Variants in TAB2 observed in about 807,000 individuals in gnomAD.
TAB2 encodes the protein TGF-beta activated kinase 1 (MAP3K7) binding protein 2.
A neutral mutation model predicts 65.0 loss-of-function variants in TAB2; 3 were observed. The observed-to-expected ratio is 0.05, with a 90% CI of 0.02 to 0.12. The LOEUF (loss-of-function observed/expected upper bound fraction) is 0.12. Among genes scored for constraint, TAB2 ranks in the 10% least tolerant of loss-of-function variants. The probability of loss-of-function intolerance (pLI) is 1.00; values close to 1 mark genes in which losing one functional copy is unlikely to be tolerated. For missense variants in TAB2, 623 were observed against 840.3 expected, an observed-to-expected ratio of 0.74 and a Z score of 3.20; for synonymous variants, 298 against 285.1, an observed-to-expected ratio of 1.05 and a Z score of -0.46.
chr6:149,277,265 C>A (rs6912622), intron 1 of TAB2, among the ~76,000 whole-genome samples: 75,916 of 151,952 alleles, frequency 0.5, 20,485 homozygotes, highest in African/African-American at 0.7. Context: ...TGTGTAATAG[C>A]AAAAGATTGA....
intron 1 of TAB2, among the ~76,000 whole-genome samples, chr6:149,227,188 G>A (rs1449653920): frequency 2.0e-5 from 3 of 152,134 alleles, no homozygotes; most frequent in Non-Finnish European, 2.9e-5. Context: ...CTGGTTATAT[G>A]AATTACAGAA....
intron 1 of TAB2, among the ~76,000 whole-genome samples, chr6:149,289,762 C>T (rs1778743271): frequency 6.6e-6 from 1 of 152,238 alleles, no homozygotes; most frequent in Non-Finnish European, 1.5e-5. Flanking sequence ...GGCCTGAGAA[C>T]ATGCGCCTAA....
At position 149,369,294 on chromosome 6, in the gene TAB2, C is replaced by T. The variant is rs116983734; in HGVS notation, c.-89-615C>T. ...TTGGGATCTTTTAAAACTCCATATG[C>T]CCAGGCTGCTCACTCCTCAGCCAAT... On this transcript the variant is annotated intron_variant, in intron 1 of 6. Coordinates refer to ENST00000637181, the MANE Select transcript of TAB2 (RefSeq NM_001292034.3). Among the ~76,000 whole-genome samples, 701 of 152,210 alleles carry T rather than the reference C, an allele frequency of 4.6e-3. 5 individuals are homozygous for T. Among genetic ancestry groups the T allele is most frequent in the Non-Finnish European group, 5.2e-3 (352 of 67,982 alleles).
intron 1 of TAB2, among the ~76,000 whole-genome samples, chr6:149,268,348 T>C (rs148316345): frequency 2.0e-5 from 3 of 152,118 alleles, no homozygotes; most frequent in Non-Finnish European, 4.4e-5. Context: ...GTGGTCCACA[T>C]CCAGCTGGGA....
chr6:149,267,058 A>G, intron 1 of TAB2, among the ~76,000 whole-genome samples: 1 of 152,148 alleles, frequency 6.6e-6, no homozygotes, highest in Non-Finnish European at 1.5e-5. Flanking sequence ...GAAGTAGAGG[A>G]TATATTGGAG....
intron 1 of TAB2, among the ~76,000 whole-genome samples, chr6:149,292,624 G>A (rs1022519036): frequency 6.6e-6 from 1 of 152,106 alleles, no homozygotes; most frequent in African/African-American, 2.4e-5. Flanking sequence ...ATTCAAATAG[G>A]TAAATTAAGG....
intron 1 of TAB2, among the ~76,000 whole-genome samples, chr6:149,287,971 G>A (rs1015004969): frequency 1.3e-5 from 2 of 152,098 alleles, no homozygotes; most frequent in African/African-American, 2.4e-5. Context: ...GTTTAAATTC[G>A]ATCATAAAAT....
At chr6:149,227,441 C>T (rs879695301) in intron 1 of TAB2, among the ~76,000 whole-genome samples, 14 of 152,084 alleles carry the variant, frequency 9.2e-5, no homozygotes, top group Non-Finnish European at 1.9e-4. Flanking sequence ...ACACTTGATA[C>T]GGGCTGCAAG....
At chr6:149,279,291 C>T (rs1778530769) in intron 1 of TAB2, among the ~76,000 whole-genome samples, 1 of 152,162 alleles carries the variant, frequency 6.6e-6, no homozygotes, top group African/African-American at 2.4e-5. Context: ...TTTCTCCACT[C>T]CTACCTCTCC....
At chr6:149,266,353 C>A (rs1778265310) in intron 1 of TAB2, among the ~76,000 whole-genome samples, 1 of 152,128 alleles carries the variant, frequency 6.6e-6, no homozygotes, top group Admixed American at 6.5e-5. Context: ...GCATTCTGGT[C>A]CACTTGGCAG....
intron 1 of TAB2, among the ~76,000 whole-genome samples, chr6:149,349,787 T>A (rs2114801928): frequency 6.6e-6 from 1 of 152,340 alleles, no homozygotes; most frequent in East Asian, 1.9e-4. Context: ...GAGTAGTCTT[T>A]AAAAGCTGTA....
chr6:149,389,137 G>C (rs1429448817), intron 3 of TAB2, among the ~76,000 whole-genome samples: 1 of 151,594 alleles, frequency 6.6e-6, no homozygotes, highest in Non-Finnish European at 1.5e-5. Context: ...TGTATTTTTA[G>C]TAGAGATGGG....
chr6:149,403,243 A>AT (rs1289811809), intron 6 of TAB2, among the ~76,000 whole-genome samples: 4 of 48,954 alleles, frequency 8.2e-5, no homozygotes, highest in Non-Finnish European at 1.1e-4. Flanking sequence ...CTAAAAAAAA[A>AT]AAAAATATAT....
chr6:149,249,650 GTGTC>G (rs1338293378), intron 1 of TAB2, among the ~76,000 whole-genome samples: 1 of 151,824 alleles, frequency 6.6e-6, no homozygotes, highest in East Asian at 1.9e-4. Flanking sequence ...CTGTGTGTGT[GTGTC>G]TGTCTGTCTC....
chr6:149,279,497 G>C (rs1252521779), intron 1 of TAB2, among the ~76,000 whole-genome samples: 2 of 152,138 alleles, frequency 1.3e-5, no homozygotes, highest in African/African-American at 4.8e-5. Flanking sequence ...CCTTCAAGGG[G>C]ACACGTGGCA....
intron 6 of TAB2, among the ~76,000 whole-genome samples, chr6:149,407,258 CTGAA>C (rs202126974): frequency 0.011 from 1,680 of 152,300 alleles, 29 homozygotes; most frequent in African/African-American, 0.039. Context: ...TTTTCAGACA[CTGAA>C]TGATTTTCCT....
rs567134069 is a variant in TAB2 at position 149,400,320 on chromosome 6, T to C, written c.1939+1136T>C. ...CACCTCCTGCTGCTCTTCCTGCTGC[T>C]CGTGTACTCGTTAGGTGCGGACCCG... On this transcript the variant is annotated intron_variant, in intron 6 of 6. Coordinates refer to ENST00000637181, the MANE Select transcript of TAB2 (RefSeq NM_001292034.3). 100 of 1,523,482 alleles carry C rather than the reference T, an allele frequency of 6.6e-5. No homozygotes were observed. In the East Asian group the frequency reaches 2.0e-3, roughly 30 times the overall value. The allele number at this position is 1,523,482 out of a possible 1,614,324, so 94.4% of individuals were successfully genotyped here.
intron 6 of TAB2, among the ~76,000 whole-genome samples, chr6:149,403,283 T>C (rs13202379): frequency 0.028 from 689 of 24,468 alleles, 14 homozygotes; most frequent in East Asian, 0.11. Context: ...TATATATATA[T>C]ACACACACAC....
chr6:149,341,190 T>C (rs940365865), intron 1 of TAB2, among the ~76,000 whole-genome samples: 1 of 152,160 alleles, frequency 6.6e-6, no homozygotes, highest in African/African-American at 2.4e-5. Context: ...TTACATGTCT[T>C]CTTGTTTACT....
Sources: gnomAD v4.1 joint callset for allele counts (sites outside exome capture counted in the v4.1 genomes callset) on GRCh38, gnomAD v4.1.1 for gene constraint, MANE v1.5 for transcripts, NCBI Gene and HGNC (gene_info 2026-07-23, HGNC 2026-07-21) for gene names.